Variants in APC2 observed in about 807,000 individuals in gnomAD.
The protein encoded by APC2 is APC regulator of Wnt signaling pathway 2.
In APC2, 41 loss-of-function variants were observed where a neutral mutation model predicts 72.5. The observed-to-expected ratio is 0.57, with a 90% confidence interval of 0.44 to 0.73. APC2 has a LOEUF of 0.73. Among genes scored for constraint, APC2 ranks in the 30% least tolerant of loss-of-function variants. The probability of loss-of-function intolerance (pLI) is 0.00; values close to 1 mark genes in which losing one functional copy is unlikely to be tolerated. For synonymous variants in APC2, 1,898 were observed against 1,612.0 expected (o/e 1.18, Z -4.25); for missense variants, 3,729 against 3,403.4 (o/e 1.10, Z -2.38).
intron 9 of APC2, chr19:1,457,534 C>T (rs988247255): frequency 9.5e-6 from 5 of 528,338 alleles, no homozygotes; most frequent in East Asian, 6.9e-5. Flanking sequence ...TGCAGTTGAT[C>T]GCAAAGTTAA....
intron 1 of APC2, 77 bp downstream of exon 1, chr19:1,450,415 T>C: frequency 1.1e-6 from 1 of 950,408 alleles, no homozygotes; most frequent in Non-Finnish European, 1.3e-6. Context: ...CTCTCAGCAT[T>C]GCCCGTCAGC....
rs150835778 is a variant in APC2, at chr19:1,457,983, C to T, written c.1226C>T (p.Pro409Leu). 273 of 1,561,194 alleles carry T rather than the reference C, an allele frequency of 1.7e-4. 1 individual carries two copies. The highest frequency in any genetic ancestry group is 9.3e-4 in the Admixed American group (48 of 51,832). Reference protein sequence around the residue: ...GAGSAPIPIEPQICQATCAVM... With the variant: ...GAGSAPIPIELQICQATCAVM... ...CCCACAGCCCCGATCCCCATCGAGC[C>T]GCAGATCTGCCAGGCCACCTGTGCT... Residue 409 changes from proline (P) to leucine (L), a missense_variant, in exon 10 of 15, where the codon CCG becomes CTG. Physicochemically the swap from Pro to Leu is moderately conservative, Grantham distance 98. Transcript: ENST00000590469.
In APC2 at chr19:1,469,632, C is replaced by G; in HGVS notation, c.6331C>G (p.Pro2111Ala). ...SLPHISVARR[P>A]DGAVPAAPAS... is the part of the protein sequence containing the mutation. ...GCCGCACATCAGCGTGGCCCGCAGG[C>G]CCGACGGCGCCGTCCCCGCGGCCCC... Residue 2111 changes from proline to alanine, a missense_variant, in exon 15 of 15, where the codon CCC becomes GCC. By Grantham distance (27) the Pro-to-Ala change is conservative. Transcript: ENST00000590469. The G allele has an allele frequency of 8.1e-7, 1 of 1,227,728 alleles. No homozygotes were observed. Among genetic ancestry groups the G allele is most frequent in the Non-Finnish European group, 1.0e-6 (1 of 983,984 alleles). 76.1% of individuals were successfully genotyped at this position (1,227,728 alleles called of 1,614,324 possible). A position where few individuals can be genotyped will look rare whatever the true frequency, so the allele number is the denominator to read the frequency against.
chr19:1,467,838 G>C lies in APC2; in HGVS notation c.4537G>C (p.Asp1513His). ...GGCCGTGTACTGCTTCTACGGCAAC[G>C]ACTCGGACGAGGAGCCCCCGGCGGC... ...EEAVYCFYGN[D>H]SDEEPPAAAP... The change falls in exon 15 of 15, where the codon GAC becomes CAC. Residue 1513 changes from aspartate to histidine, a missense_variant. Physicochemically the swap from Asp to His is moderately conservative, Grantham distance 81 (BLOSUM62 -1). Coordinates refer to ENST00000590469, the MANE Select transcript of APC2 (RefSeq NM_005883.3). The C allele has an allele frequency of 1.3e-6, 2 of 1,527,404 alleles. No individual in the cohort carries two copies. The highest frequency in any genetic ancestry group is 1.7e-6 in the Non-Finnish European group (2 of 1,144,994). The allele number at this position is 1,527,404 out of a possible 1,614,324, so 94.6% of individuals were successfully genotyped here.
In APC2 at chr19:1,468,329, C is replaced by G. The variant is rs182043; in HGVS notation, c.5028C>G (p.Asp1676Glu). Reference sequence around the variant, plus strand: ...GCGGCGAGGAGGCAGCGGGCTCGGACCGGGCCTCCGACCTGGATAGCGTGG... The same window carrying G: ...GCGGCGAGGAGGCAGCGGGCTCGGAGCGGGCCTCCGACCTGGATAGCGTGG... ...RERGEEAAGSDRASDLDSVEW... is the reference protein window; with the variant it reads ...RERGEEAAGSERASDLDSVEW... The change falls in exon 15 of 15, where the codon GAC becomes GAG. Residue 1676 changes from aspartate (D) to glutamate (E), a missense_variant. By Grantham distance (45) the Asp-to-Glu change is conservative (BLOSUM62 2). Transcript: ENST00000590469. The G allele has an allele frequency of 6.4e-7, 1 of 1,555,956 alleles. No individual in the cohort carries two copies. Among genetic ancestry groups the G allele is most frequent in the Non-Finnish European group, 8.7e-7 (1 of 1,151,248 alleles).
Position 1,468,352 on chromosome 19 carries a change from T to A in APC2, c.5051T>A (p.Val1684Glu). 1 of 1,568,002 alleles carries A rather than the reference T, an allele frequency of 6.4e-7. No individual in the cohort carries two copies. The highest frequency in any genetic ancestry group is 8.7e-7 in the Non-Finnish European group (1 of 1,155,714). Residue 1684 changes from valine (V) to glutamate (E), a missense_variant, in exon 15 of 15, where the codon GTG becomes GAG. Coordinates refer to ENST00000590469, the MANE Select transcript of APC2 (RefSeq NM_005883.3). ...GACCGGGCCTCCGACCTGGATAGCG[T>A]GGAGTGGCGCGCCATCCAGGAGGGC... ...GSDRASDLDS[V>E]EWRAIQEGAN...
At chr19:1,446,475 G>T, upstream of APC2, 1 of 638,616 alleles carries the variant, frequency 1.6e-6, no homozygotes, top group South Asian at 6.8e-5. The surrounding 1 kb of genome is among the most constrained non-coding windows in gnomAD (Gnocchi z 6.1). Context: ...CAGAGTCGGG[G>T]GTCTAGTGCC....
At position 1,468,643 on chromosome 19, in the gene APC2, C is replaced by T. The variant is rs754843484; in HGVS notation, c.5342C>T (p.Thr1781Met). The T allele has an allele frequency of 1.9e-6, 3 of 1,594,772 alleles. No homozygotes were observed. Among genetic ancestry groups the T allele is most frequent in the East Asian group, 2.3e-5 (1 of 43,878 alleles). The change falls in exon 15 of 15, where the codon ACG becomes ATG. Residue 1781 changes from threonine (T) to methionine (M), a missense_variant. Physicochemically the swap from Thr to Met is moderately conservative, Grantham distance 81 (BLOSUM62 -1). Coordinates refer to ENST00000590469, the MANE Select transcript of APC2 (RefSeq NM_005883.3). ...PEKPRGTQKT[T>M]PGVPAVLRGR... ...AAGCCACGTGGCACACAGAAGACCA[C>T]GCCCGGGGTGCCAGCTGTGCTCCGG... is the stretch of plus-strand genomic sequence containing the variant.
rs367708542 is a variant in APC2, at chr19:1,456,392, G to A, written c.804G>A (p.Pro268=). 24 of 1,603,076 alleles carry A rather than the reference G, an allele frequency of 1.5e-5. No homozygotes were observed. The African/African-American group carries it at 2.1e-4, about 14-fold the overall frequency. The change falls in exon 8 of 15, where the codon CCG becomes CCA. Residue 268 remains proline, a synonymous_variant. Transcript: ENST00000590469. ...ACCCTGAGGATGGCACCCCTCAGCC[G>A]GGCAACAGCAAGGTGAGGGGGAGGG... ...PTHPEDGTPQ[P]GNSKVEVVFW...
rs781729563 is a variant in APC2, at chr19:1,465,458, C to T, written c.2157C>T (p.Tyr719=). 13 of 1,533,372 alleles carry T rather than the reference C, an allele frequency of 8.5e-6. No homozygotes were observed. The highest frequency in any genetic ancestry group is 3.9e-4 in the Middle Eastern group (2 of 5,154). The allele number at this position is 1,533,372 out of a possible 1,614,324, so 95.0% of individuals were successfully genotyped here. ...CAGGCAGCTGCGTGCCCAGCCTGTACGTGCGCAAGCAGCGGGCGCTGGAGG... is the reference window on the plus strand; with the variant it reads ...CAGGCAGCTGCGTGCCCAGCCTGTATGTGCGCAAGCAGCGGGCGCTGGAGG... The part of the protein sequence containing the change: ...VSPGSCVPSL[Y]VRKQRALEAE... Residue 719 remains tyrosine (Y), a synonymous_variant, in exon 15 of 15, where the codon TAC becomes TAT. Coordinates refer to ENST00000590469, the MANE Select transcript of APC2 (RefSeq NM_005883.3).
chr19:1,467,844 G>A lies in APC2; in HGVS notation c.4543G>A (p.Asp1515Asn), dbSNP rs1049821800. ...GTACTGCTTCTACGGCAACGACTCGGACGAGGAGCCCCCGGCGGCCGCGCC... is the reference window on the plus strand; with the variant it reads ...GTACTGCTTCTACGGCAACGACTCGAACGAGGAGCCCCCGGCGGCCGCGCC... ...AVYCFYGNDS[D>N]EEPPAAAPTP... The change falls in exon 15 of 15, where the codon GAC (aspartate) becomes AAC (asparagine). Residue 1515 changes from aspartate (D) to asparagine (N), a missense_variant. By Grantham distance (23) the Asp-to-Asn change is conservative. Transcript: ENST00000590469. 2 of 1,535,916 alleles carry A rather than the reference G, an allele frequency of 1.3e-6. No individual in the cohort carries two copies. The highest frequency in any genetic ancestry group is 2.4e-5 in the East Asian group (1 of 41,950).
At position 1,455,499 on chromosome 19, in the gene APC2, A is replaced by G; in HGVS notation, c.638A>G (p.Gln213Arg). ...GTSDEMVQRA[Q>R]IRASRLEQID... Reference sequence around the variant, plus strand: ...TCGGACGAGATGGTGCAGCGGGCACAGGTGCGGCGGTGGGCGGGGTGGCGC... The same window carrying G: ...TCGGACGAGATGGTGCAGCGGGCACGGGTGCGGCGGTGGGCGGGGTGGCGC... Residue 213 changes from glutamine (Q) to arginine (R), a missense_variant and splice_region_variant, in exon 6 of 15, where the codon CAG (glutamine) becomes CGG (arginine). Gln to Arg is a conservative substitution (Grantham distance 43, BLOSUM62 1). Coordinates refer to ENST00000590469, the MANE Select transcript of APC2 (RefSeq NM_005883.3). 6.3e-7 allele frequency: 1 copy of G among 1,599,382 alleles called. No individual in the cohort carries two copies. Among genetic ancestry groups the G allele is most frequent in the African/African-American group, 1.3e-5 (1 of 74,784 alleles).
Position 1,467,709 on chromosome 19 carries a change from G to A in APC2, c.4408G>A (p.Gly1470Ser), listed in dbSNP as rs2084044647. The change falls in exon 15 of 15, where the codon GGC becomes AGC. Residue 1470 changes from glycine (G) to serine (S), a missense_variant. By Grantham distance (56) the Gly-to-Ser change is moderately conservative. Coordinates refer to ENST00000590469, the MANE Select transcript of APC2 (RefSeq NM_005883.3). ...CAGAGCAGGGCTGGAGCTGCCCCTG[G>A]GCCGGCCCCCGAGCGCCCCCGCAGA... ...KNRAGLELPLGRPPSAPADKD... is the reference protein window; with the variant it reads ...KNRAGLELPLSRPPSAPADKD... 6.9e-7 allele frequency: 1 copy of A among 1,444,578 alleles called. No individual in the cohort carries two copies. Among genetic ancestry groups the A allele is most frequent in the South Asian group, 1.4e-5 (1 of 70,920 alleles). The allele number at this position is 1,444,578 out of a possible 1,614,324, so 89.5% of individuals were successfully genotyped here. A position where few individuals can be genotyped will look rare whatever the true frequency, so the allele number is the denominator to read the frequency against.
At chr19:1,459,087 T>C (rs1468076050) in intron 10 of APC2, among the ~76,000 whole-genome samples, 1 of 152,144 alleles carries the variant, frequency 6.6e-6, no homozygotes, top group African/African-American at 2.4e-5. Flanking sequence ...GTGAATCTGA[T>C]GGAGCTAGGG....
Position 1,450,126 on chromosome 19 carries a change from G to A in APC2, c.-231G>A. On this transcript the variant is annotated 5_prime_UTR_variant, in exon 1 of 15. Transcript: ENST00000590469. The stretch of plus-strand genomic sequence containing the variant: ...TCCCGCATCCTCCCCCGCTCGCGGT[G>A]GTCTCGCCCAGCGCTAGGAGCGGCA... 2 of 985,052 alleles carry A rather than the reference G, an allele frequency of 2.0e-6. No homozygotes were observed. Among genetic ancestry groups the A allele is most frequent in the Non-Finnish European group, 2.4e-6 (2 of 829,640 alleles). The allele number at this position is 985,052 out of a possible 1,614,324, so 61.0% of individuals were successfully genotyped here.
rs1599154440 is a variant in APC2, at chr19:1,465,754, G to A, written c.2453G>A (p.Arg818His). Residue 818 changes from arginine (R) to histidine (H), a missense_variant, in exon 15 of 15, where the codon CGC becomes CAC. Coordinates refer to ENST00000590469, the MANE Select transcript of APC2 (RefSeq NM_005883.3). ...SPFLQGQALA[R>H]TPPTRRGGKE... Reference sequence around the variant, plus strand: ...TTCCTGCAGGGGCAGGCGCTGGCTCGCACCCCGCCCACCCGCCGAGGCGGC... The same window carrying A: ...TTCCTGCAGGGGCAGGCGCTGGCTCACACCCCGCCCACCCGCCGAGGCGGC... 2.6e-6 allele frequency: 4 copies of A among 1,531,720 alleles called. No individual in the cohort carries two copies. The highest frequency in any genetic ancestry group is 2.4e-5 in the East Asian group (1 of 41,234). The allele number at this position is 1,531,720 out of a possible 1,614,324, so 94.9% of individuals were successfully genotyped here.
chr19:1,456,492 C>A, intron 8 of APC2, 88 bp downstream of exon 8: 1 of 1,314,192 alleles, frequency 7.6e-7, no homozygotes, highest in Non-Finnish European at 1.0e-6. Context: ...GTGGTGCCCT[C>A]CCATGCCTCC....
In APC2 at chr19:1,466,288, C is replaced by G. The variant is rs748616661; in HGVS notation, c.2987C>G (p.Ser996Trp). The G allele has an allele frequency of 6.5e-7, 1 of 1,535,554 alleles. No individual in the cohort carries two copies. The highest frequency in any genetic ancestry group is 8.7e-7 in the Non-Finnish European group (1 of 1,147,344). ...GCCCGCGTGCGCACCATCAAGCTGT[C>G]GCCTACCTATCAGCACGTGCCACTG... ...ADARVRTIKLSPTYQHVPLLE... is the reference protein window; with the variant it reads ...ADARVRTIKLWPTYQHVPLLE... The change falls in exon 15 of 15, where the codon TCG becomes TGG. Residue 996 changes from serine to tryptophan, a missense_variant. Transcript: ENST00000590469.
Position 1,466,965 on chromosome 19 carries a change from G to C in APC2, c.3664G>C (p.Gly1222Arg), listed in dbSNP as rs755037875. Residue 1222 changes from glycine to arginine, a missense_variant, in exon 15 of 15, where the codon GGT becomes CGT. Gly to Arg is a moderately radical substitution (Grantham distance 125, BLOSUM62 -2). Coordinates refer to ENST00000590469, the MANE Select transcript of APC2 (RefSeq NM_005883.3). ...KTPPLAPAPQ[G>R]PPEATQFSLQ... ...GCCACCGCTGGCGCCCGCGCCACAG[G>C]GTCCCCCCGAGGCCACCCAGTTCAG... The C allele has an allele frequency of 1.2e-6, 2 of 1,605,772 alleles. No individual in the cohort carries two copies. The highest frequency in any genetic ancestry group is 1.7e-6 in the Non-Finnish European group (2 of 1,176,640).
Sources: allele counts gnomAD v4.1 joint callset (sites outside exome capture counted in the v4.1 genomes callset), GRCh38; gene constraint gnomAD v4.1.1; non-coding constraint Gnocchi (gnomAD v3.1); transcripts MANE v1.5; gene names NCBI Gene and HGNC (gene_info 2026-07-23, HGNC 2026-07-21).